The following CHST15 variants were observed in gnomAD, a reference collection of about 807,000 sequenced individuals.
CHST15 encodes the protein carbohydrate sulfotransferase 15, also known as B cell RAG associated protein (GALNAC4S-6ST).
In CHST15, 30 loss-of-function variants were observed where a neutral mutation model predicts 53.6. The ratio of observed to expected loss-of-function variants is 0.56; its 90% CI spans 0.42 to 0.76. CHST15 has a LOEUF of 0.76. CHST15 is among the 30% of genes least tolerant of loss of function. The pLI is 0.00. For missense variants in CHST15, 627 were observed against 740.5 expected (o/e 0.85, Z 1.78); for synonymous variants, 296 against 289.8 (o/e 1.02, Z -0.22).
At chr10:124,052,753 C>T (rs908529336) in intron 1 of CHST15, among the ~76,000 whole-genome samples, 2 of 152,132 alleles carry the variant, frequency 1.3e-5, no homozygotes, top group African/African-American at 4.8e-5. Flanking sequence ...GTGTCTAGCC[C>T]GGCCGGGCGC....
chr10:124,091,333 G>A (rs1158440991), intron 1 of CHST15, among the ~76,000 whole-genome samples: 1 of 152,078 alleles, frequency 6.6e-6, no homozygotes, highest in Non-Finnish European at 1.5e-5. Context: ...CAAGGTTGCC[G>A]GTCCTGGGAG....
intron 7 of CHST15, chr10:124,011,551 G>A: frequency 1.0e-6 from 1 of 985,474 alleles, no homozygotes; most frequent in Non-Finnish European, 1.2e-6. Flanking sequence ...AGGCGTTCTG[G>A]GAAGGAGGGC....
intron 4 of CHST15, among the ~76,000 whole-genome samples, chr10:124,041,814 A>T (rs1393047266): frequency 6.6e-6 from 1 of 152,252 alleles, no homozygotes; most frequent in Non-Finnish European, 1.5e-5. Context: ...CTTTTTAAAC[A>T]GCAATTAGTT....
At position 124,036,139 on chromosome 10, in the gene CHST15, G is replaced by C. The variant is rs1327930156; in HGVS notation, c.1190+2376C>G. ...CTTGCGCCCTTCAGCTGGGGGCCGT[G>C]TCGGGGAGGGAGGCAGAGCAGCTAT... On this transcript the variant is annotated intron_variant, in intron 5 of 7. Transcript: ENST00000435907. The surrounding 1 kb of genome is among the most constrained non-coding windows in gnomAD (Gnocchi z 5.1). 6.6e-6 allele frequency among the ~76,000 whole-genome samples: 1 copy of C among 152,238 alleles called. No homozygotes were observed. Among genetic ancestry groups the C allele is most frequent in the Non-Finnish European group, 1.5e-5 (1 of 68,048 alleles).
chr10:124,020,939 TCCTC>T, intron 6 of CHST15: 3 of 1,389,132 alleles, frequency 2.2e-6, no homozygotes, highest in East Asian at 2.6e-5. Flanking sequence ...GAGTTGGGTG[TCCTC>T]ATGTCTGCCG....
chr10:124,041,761 C>T (rs1947748821), intron 4 of CHST15, among the ~76,000 whole-genome samples: 1 of 152,096 alleles, frequency 6.6e-6, no homozygotes, highest in Non-Finnish European at 1.5e-5. Flanking sequence ...ATTAATCAAC[C>T]TCACTTTGAA....
rs193075304 is a variant in CHST15 at position 124,090,556 on chromosome 10, G to A, written c.-513+2913C>T. The stretch of plus-strand genomic sequence containing the variant: ...CAAATAAGTAGAATCCGCTTCCCAC[G>A]TTACCAACCTTTCCCCAAACACTTC... On this transcript the variant is annotated intron_variant, in intron 1 of 7. Transcript: ENST00000435907. Among the ~76,000 whole-genome samples, 9 of 152,330 alleles carry A rather than the reference G, an allele frequency of 5.9e-5. No homozygotes were observed. In the South Asian group the frequency reaches 1.0e-3, roughly 18 times the overall value.
chr10:124,068,542 C>T (rs1948818737), intron 1 of CHST15, among the ~76,000 whole-genome samples: 1 of 152,242 alleles, frequency 6.6e-6, no homozygotes, highest in African/African-American at 2.4e-5. Context: ...GTGTCACACA[C>T]TTCCACATTT....
intron 1 of CHST15, 119 bp from the exon 2 acceptor site, chr10:124,046,843 A>C (rs1308835473): frequency 1.3e-5 from 2 of 152,230 alleles, no homozygotes; most frequent in Non-Finnish European, 2.9e-5. Context: ...CAGCCAAGCC[A>C]GCCTGGTTCT....
At chr10:124,025,588 C>T (rs1007248087) in intron 5 of CHST15, among the ~76,000 whole-genome samples, 3 of 152,152 alleles carry the variant, frequency 2.0e-5, no homozygotes, top group African/African-American at 7.2e-5. Context: ...ATCTGGATTC[C>T]GTAGTTGGAT....
rs1027318250 is a variant in CHST15 at position 124,020,050 on chromosome 10, A to G, written c.1347+1206T>C. The stretch of plus-strand genomic sequence containing the variant: ...CTCTGGTGGCCAGAGCTCCCTGCCC[A>G]GCCTCCATCTTCTCTCCCCGCCAGC... On this transcript the variant is annotated intron_variant, in intron 6 of 7. Transcript: ENST00000435907. The G allele has an allele frequency of 9.1e-6, 9 of 985,640 alleles. No homozygotes were observed. The East Asian group carries it at 1.0e-3, about 112-fold the overall frequency. The allele number at this position is 985,640 out of a possible 1,614,324, so 61.1% of individuals were successfully genotyped here. A position where few individuals can be genotyped will look rare whatever the true frequency, so the allele number is the denominator to read the frequency against.
At chr10:124,027,996 C>A (rs1005862328) in intron 5 of CHST15, among the ~76,000 whole-genome samples, 5 of 152,172 alleles carry the variant, frequency 3.3e-5, no homozygotes, top group Admixed American at 1.3e-4. Context: ...TTTAGGTGCA[C>A]GGTGATTTGG....
rs1947991092 is a variant in CHST15, at chr10:124,046,054, G to A, written c.159C>T (p.Asn53=). 1 of 1,614,212 alleles carries A rather than the reference G, an allele frequency of 6.2e-7. No homozygotes were observed. ...TCCTCACTTCGAGAACAGCAAGCAA[G>A]TTCATCTGCTTACTGTCCACACGAA... ...ILFRVDSKQM[N]LLAVLEVRTE... is the part of the protein sequence containing the mutation. The change falls in exon 2 of 8, where the codon AAC becomes AAT. Residue 53 remains asparagine, a synonymous_variant. Coordinates refer to ENST00000435907, the MANE Select transcript of CHST15 (RefSeq NM_001270764.2).
Position 124,021,241 on chromosome 10 carries a change from G to GT in CHST15, c.1347+14_1347+15insA. 1.9e-6 allele frequency: 3 copies of GT among 1,571,222 alleles called. No individual in the cohort carries two copies. The highest frequency in any genetic ancestry group is 4.6e-5 in the East Asian group (2 of 43,686). Reference sequence around the variant, plus strand: ...AGGGGCCAGCTCGGGGGGTACGGGGGGGGGGGGTACACACAGGCATGGCGT... The same window carrying GT: ...AGGGGCCAGCTCGGGGGGTACGGGGGTGGGGGGGTACACACAGGCATGGCGT... On this transcript the variant is annotated intron_variant, in intron 6 of 7. Transcript: ENST00000435907.
At chr10:124,073,903 G>A (rs538061375) in intron 1 of CHST15, among the ~76,000 whole-genome samples, 214 of 152,304 alleles carry the variant, frequency 1.4e-3, no homozygotes, top group African/African-American at 5.0e-3. Flanking sequence ...TGGGTTTCCA[G>A]GGTCTTAAAT....
Position 124,010,268 on chromosome 10 carries a change from G to A in CHST15, c.1567C>T (p.Arg523Trp), listed in dbSNP as rs1448169808. 3.1e-6 allele frequency: 5 copies of A among 1,613,940 alleles called. No individual in the cohort carries two copies. The highest frequency in any genetic ancestry group is 1.1e-5 in the South Asian group (1 of 91,042). ...ATGGGCCACATGGGCCCCAGGTTCC[G>A]GTCCTCGGGACGCCGTGCATTGGAT... is the stretch of plus-strand genomic sequence containing the variant. Reference protein sequence around the residue: ...PASNARRPEDRNLGPMWPITQ... With the variant: ...PASNARRPEDWNLGPMWPITQ... The change falls in exon 8 of 8, where the codon CGG (arginine) becomes TGG (tryptophan). Residue 523 changes from arginine to tryptophan, a missense_variant. Around this residue, in one of 3 missense-constraint regions of CHST15, gnomAD observed 279 missense variants for 371.6 expected, o/e 0.75. Coordinates refer to ENST00000435907, the MANE Select transcript of CHST15 (RefSeq NM_001270764.2).
chr10:124,011,561 C>T (rs537641528), intron 7 of CHST15: 22 of 985,480 alleles, frequency 2.2e-5, no homozygotes, highest in East Asian at 1.1e-4. Flanking sequence ...GGAAGGAGGG[C>T]GGCTTGTTCG....
intron 3 of CHST15, 37 bp from the exon 4 acceptor site, chr10:124,042,484 A>G (rs1396948905): frequency 1.2e-6 from 2 of 1,606,322 alleles, no homozygotes; most frequent in South Asian, 2.2e-5. Context: ...CTGAGGACAA[A>G]GTTGCTACTG....
At chr10:124,015,114 G>A (rs1946546558) in intron 6 of CHST15, among the ~76,000 whole-genome samples, 6 of 152,190 alleles carry the variant, frequency 3.9e-5, no homozygotes, top group Admixed American at 3.9e-4. Flanking sequence ...TGCCAAGCAG[G>A]GGGAGTGTGG....
Sources: gnomAD v4.1 joint callset for allele counts (sites outside exome capture counted in the v4.1 genomes callset) on GRCh38, gnomAD v4.1.1 for gene constraint, gnomAD v4.1.1 regional missense constraint, Gnocchi (gnomAD v3.1) non-coding constraint, MANE v1.5 for transcripts, NCBI Gene and HGNC (gene_info 2026-07-23, HGNC 2026-07-21) for gene names.